Variants in BICD1 observed in about 807,000 individuals in gnomAD.
BICD1 encodes protein bicaudal D homolog 1.
BICD1 carries 35 observed loss-of-function variants against 92.5 expected under a neutral mutation model. The ratio of observed to expected loss-of-function variants is 0.38; its 90% CI spans 0.29 to 0.50. BICD1 has a LOEUF of 0.50. Ranked by LOEUF, BICD1 falls within the 20% of genes least tolerant of loss-of-function variation. BICD1 has a pLI of 0.93. For synonymous variants in BICD1, 429 were observed against 465.1 expected (o/e 0.92, Z 1.00); for missense variants, 950 against 1,189.8 (o/e 0.80, Z 2.97).
chr12:32,351,382 A>G (rs952770336), intron 8 of BICD1, among the ~76,000 whole-genome samples: 1 of 146,522 alleles, frequency 6.8e-6, no homozygotes, highest in African/African-American at 2.5e-5. Flanking sequence ...GCTACTCAGG[A>G]GGCTGAGGCA....
At chr12:32,206,476 C>T (rs995960187) in intron 1 of BICD1, among the ~76,000 whole-genome samples, 16 of 152,220 alleles carry the variant, frequency 1.1e-4, no homozygotes, top group Non-Finnish European at 2.1e-4. Flanking sequence ...TGTGGTGGTG[C>T]ATGCCTGTAA....
chr12:32,115,387 G>GTTTTT (rs4035442), intron 1 of BICD1, among the ~76,000 whole-genome samples: 4 of 142,410 alleles, frequency 2.8e-5, no homozygotes, highest in Admixed American at 1.4e-4. Flanking sequence ...GGTGTTTTTG[G>GTTTTT]TTTTTTTTTT....
intron 1 of BICD1, among the ~76,000 whole-genome samples, chr12:32,211,044 C>A (rs1271434582): frequency 6.6e-6 from 1 of 152,182 alleles, no homozygotes; most frequent in Non-Finnish European, 1.5e-5. Flanking sequence ...TAGTTGCTGA[C>A]AATTAGGAAT....
intron 1 of BICD1, among the ~76,000 whole-genome samples, chr12:32,202,915 G>A (rs1232973564): frequency 6.6e-6 from 1 of 152,100 alleles, no homozygotes; most frequent in African/African-American, 2.4e-5. Context: ...CAGGCCCAAA[G>A]TTAAAATAAC....
intron 1 of BICD1, among the ~76,000 whole-genome samples, chr12:32,115,664 G>A (rs1242897594): frequency 1.3e-5 from 2 of 152,264 alleles, no homozygotes; most frequent in East Asian, 3.9e-4. Flanking sequence ...AAAGGTGTAG[G>A]TTTGCATAAA....
rs747184772 is a variant in BICD1 at position 32,327,494 on chromosome 12, C to G, written c.1039C>G (p.Leu347Val). The G allele has an allele frequency of 6.2e-7, 1 of 1,611,556 alleles. No individual in the cohort carries two copies. Among genetic ancestry groups the G allele is most frequent in the Non-Finnish European group, 8.5e-7 (1 of 1,178,600 alleles). The change falls in exon 5 of 10, where the codon CTA (leucine) becomes GTA (valine). Residue 347 changes from leucine to valine, a missense_variant. Physicochemically the swap from Leu to Val is conservative, Grantham distance 32. Coordinates refer to ENST00000652176, the MANE Select transcript of BICD1 (RefSeq NM_001714.4). Reference protein sequence around the residue: ...EREKAILLANLQESQTQLEHT... With the variant: ...EREKAILLANVQESQTQLEHT... ...GGAAAAGGCCATTCTTTTGGCCAAC[C>G]TACAGGAGTCACAGACACAGCTGGA...
At chr12:32,229,903 G>A (rs1448178442) in intron 2 of BICD1, among the ~76,000 whole-genome samples, 1 of 152,180 alleles carries the variant, frequency 6.6e-6, no homozygotes, top group Non-Finnish European at 1.5e-5. Context: ...TAGAGCAATT[G>A]ATTTCCTTGA....
chr12:32,332,961 T>C, intron 5 of BICD1: 7 of 985,386 alleles, frequency 7.1e-6, no homozygotes, highest in Non-Finnish European at 8.4e-6. Flanking sequence ...AATTACTTAA[T>C]TCTGGAAAAA....
chr12:32,251,570 G>T (rs1378995009), intron 2 of BICD1, among the ~76,000 whole-genome samples: 1 of 151,968 alleles, frequency 6.6e-6, no homozygotes, highest in African/African-American at 2.4e-5. Flanking sequence ...AATGCTCCTT[G>T]ATTTTTATCA....
chr12:32,358,564 C>T (rs774213632), intron 8 of BICD1, among the ~76,000 whole-genome samples: 1 of 151,944 alleles, frequency 6.6e-6, no homozygotes, highest in Non-Finnish European at 1.5e-5. Flanking sequence ...TGGCGAAACC[C>T]CGTCTCTACT....
intron 2 of BICD1, among the ~76,000 whole-genome samples, chr12:32,271,489 A>T (rs13328922): frequency 0.079 from 12,058 of 152,228 alleles, 753 homozygotes; most frequent in East Asian, 0.3. Flanking sequence ...GGCCCAGACC[A>T]GATAGCACTT....
intron 8 of BICD1, among the ~76,000 whole-genome samples, chr12:32,348,240 C>A (rs1002410861): frequency 2.0e-5 from 3 of 152,076 alleles, no homozygotes; most frequent in Non-Finnish European, 4.4e-5. Context: ...AAGGATGAAA[C>A]TTTTTAATTA....
chr12:32,271,594 T>C (rs149501449), intron 2 of BICD1, among the ~76,000 whole-genome samples: 241 of 152,294 alleles, frequency 1.6e-3, no homozygotes, highest in African/African-American at 5.6e-3. Flanking sequence ...GTCAGATTGC[T>C]GCGACTGTGC....
At chr12:32,228,449 C>T (rs1011008311) in intron 2 of BICD1, among the ~76,000 whole-genome samples, 1 of 152,136 alleles carries the variant, frequency 6.6e-6, no homozygotes, top group Non-Finnish European at 1.5e-5. Flanking sequence ...GAAGCCAGAT[C>T]ATGTAGGGCC....
intron 1 of BICD1, among the ~76,000 whole-genome samples, chr12:32,122,239 A>ATCGAGACCATCCTAACACAG (rs1565530120): frequency 6.6e-5 from 10 of 151,864 alleles, no homozygotes; most frequent in African/African-American, 2.2e-4. Flanking sequence ...GAGGTCAGGA[A>ATCGAGACCATCCTAACACAG]ATCGAGACCA....
chr12:32,305,556 T>A (rs1374155006), intron 3 of BICD1, 141 bp from the exon 4 acceptor site: 1 of 652,168 alleles, frequency 1.5e-6, no homozygotes. Context: ...ACTTTAAGGA[T>A]ATATTGTGTG....
chr12:32,369,304 C>T (rs1487836611), intron 9 of BICD1, among the ~76,000 whole-genome samples: 2 of 152,240 alleles, frequency 1.3e-5, no homozygotes, highest in South Asian at 4.1e-4. Flanking sequence ...TGGTGCCAGA[C>T]CTCAGTAGTC....
intron 1 of BICD1, among the ~76,000 whole-genome samples, chr12:32,173,958 T>C (rs1944024382): frequency 6.6e-6 from 1 of 152,242 alleles, no homozygotes; most frequent in Non-Finnish European, 1.5e-5. Context: ...ACCACTCTGC[T>C]TCTTCCCACA....
At chr12:32,139,712 C>G (rs1293006050) in intron 1 of BICD1, among the ~76,000 whole-genome samples, 1 of 152,156 alleles carries the variant, frequency 6.6e-6, no homozygotes, top group Admixed American at 6.5e-5. Context: ...TACAGACAAG[C>G]GCCACCACGC....
Sources: allele counts gnomAD v4.1 joint callset (sites outside exome capture counted in the v4.1 genomes callset), GRCh38; gene constraint gnomAD v4.1.1; transcripts MANE v1.5; gene names NCBI Gene and HGNC (gene_info 2026-07-23, HGNC 2026-07-21).